The following ACCSL variants were observed in gnomAD, a reference collection of about 807,000 sequenced individuals.
ACCSL encodes 1-aminocyclopropane-1-carboxylate synthase homolog (inactive) like.
Under a neutral mutation model 61.7 loss-of-function variants are expected in ACCSL, and 55 were observed. The ratio of observed to expected loss-of-function variants is 0.89; its 90% CI spans 0.72 to 1.12. ACCSL has a LOEUF of 1.12. Among genes scored for constraint, ACCSL ranks in the 50% most tolerant of loss-of-function variants. The probability of loss-of-function intolerance (pLI) is 0.00; values close to 1 mark genes in which losing one functional copy is unlikely to be tolerated. For synonymous variants in ACCSL, 258 were observed against 264.3 expected, an observed-to-expected ratio of 0.98 and a Z score of 0.23; for missense variants, 632 against 698.0, an observed-to-expected ratio of 0.91 and a Z score of 1.07.
chr11:44,046,976 C>T (rs1952602082), upstream of ACCSL, among the ~76,000 whole-genome samples: 1 of 151,960 alleles, frequency 6.6e-6, no homozygotes, highest in Non-Finnish European at 1.5e-5. Flanking sequence ...ATAATCATGC[C>T]ACTGCAATTC....
upstream of ACCSL, among the ~76,000 whole-genome samples, chr11:44,044,697 A>C (rs994640926): frequency 1.3e-5 from 2 of 152,186 alleles, no homozygotes; most frequent in African/African-American, 4.8e-5. Context: ...TGATATTAGA[A>C]GTATCCTTCT....
chr11:43,994,847 C>T, the ACCSL span, among the ~76,000 whole-genome samples: 1 of 152,006 alleles, frequency 6.6e-6, no homozygotes, highest in Non-Finnish European at 1.5e-5. Context: ...GTTGCCCAGG[C>T]TGGTCTTAAA....
chr11:44,058,422 G>C lies in ACCSL; in HGVS notation c.1433G>C (p.Arg478Pro), dbSNP rs755691880. 6.2e-7 allele frequency: 1 copy of C among 1,614,016 alleles called. No individual in the cohort carries two copies. Among genetic ancestry groups the C allele is most frequent in the African/African-American group, 1.3e-5 (1 of 74,896 alleles). Residue 478 changes from arginine (R) to proline (P), a missense_variant, in exon 12 of 14, where the codon CGC (arginine) becomes CCC (proline). By Grantham distance (103) the Arg-to-Pro change is moderately radical. Coordinates refer to ENST00000378832, the MANE Select transcript of ACCSL (RefSeq NM_001031854.2). The part of the protein sequence containing the change: ...LKALEIPFHN[R>P]SSGLYVWINL... ...GCATTGGAGATCCCTTTTCACAACC[G>C]CAGCTCTGGCCTCTATGTCTGGATC... is the stretch of plus-strand genomic sequence containing the variant.
chr11:43,948,445 C>T, the ACCSL span, among the ~76,000 whole-genome samples: 1 of 152,120 alleles, frequency 6.6e-6, no homozygotes, highest in Non-Finnish European at 1.5e-5. Context: ...CACAGATAGT[C>T]AGGGGTGAGC....
chr11:43,985,204 C>T, the ACCSL span, among the ~76,000 whole-genome samples: 1 of 152,200 alleles, frequency 6.6e-6, no homozygotes, highest in African/African-American at 2.4e-5. Flanking sequence ...CCGCCCCCCT[C>T]CCAGTGTGGT....
the ACCSL span, among the ~76,000 whole-genome samples, chr11:43,968,588 A>G: frequency 2.6e-5 from 4 of 152,212 alleles, no homozygotes; most frequent in African/African-American, 9.6e-5. Context: ...GAGGGATACT[A>G]TCATCTAAAA....
At chr11:43,992,054 C>CTTTTTTTTTTTT in the ACCSL span, among the ~76,000 whole-genome samples, 1 of 114,146 alleles carries the variant, frequency 8.8e-6, no homozygotes, top group Non-Finnish European at 1.7e-5. Context: ...TTCTTTCTTT[C>CTTTTTTTTTTTT]TTTTTTTTTT....
chr11:43,931,342 G>C, the ACCSL span, among the ~76,000 whole-genome samples: 2 of 152,176 alleles, frequency 1.3e-5, no homozygotes, highest in Non-Finnish European at 2.9e-5. Context: ...AGACTCTACT[G>C]CATCAGTCTA....
chr11:43,942,287 C>T, the ACCSL span: 1 of 166,960 alleles, frequency 6.0e-6, no homozygotes. Flanking sequence ...GGGGGACCTG[C>T]GGCCCCGCGG....
the ACCSL span, chr11:43,943,612 G>A: frequency 7.6e-7 from 1 of 1,307,282 alleles, no homozygotes; most frequent in Non-Finnish European, 1.0e-6. This position sits in a 1 kb window ranked among gnomAD's most constrained non-coding sequence, Gnocchi z 4.8. Flanking sequence ...TTGTCCGATG[G>A]TTTGCAACTC....
At chr11:43,957,193 A>T in the ACCSL span, among the ~76,000 whole-genome samples, 1 of 152,200 alleles carries the variant, frequency 6.6e-6, no homozygotes, top group South Asian at 2.1e-4. Context: ...TGGTTGGGTT[A>T]CAGCTTGGCT....
chr11:43,926,280 T>C, the ACCSL span, among the ~76,000 whole-genome samples: 2 of 152,154 alleles, frequency 1.3e-5, no homozygotes, highest in Non-Finnish European at 2.9e-5. Context: ...CCCCAGGTAA[T>C]TGGTTTCCTA....
chr11:43,954,447 A>G, the ACCSL span, among the ~76,000 whole-genome samples: 2 of 152,276 alleles, frequency 1.3e-5, no homozygotes, highest in African/African-American at 2.4e-5. Flanking sequence ...TCTGATTTAT[A>G]TAAGGCACAA....
the ACCSL span, among the ~76,000 whole-genome samples, chr11:44,012,807 G>T: frequency 6.6e-6 from 1 of 152,310 alleles, no homozygotes; most frequent in African/African-American, 2.4e-5. Context: ...CTAATACATT[G>T]TGGTCCCTCC....
chr11:44,037,580 A>T, the ACCSL span, among the ~76,000 whole-genome samples: 2 of 152,226 alleles, frequency 1.3e-5, no homozygotes, highest in East Asian at 3.8e-4. Context: ...TCCGTGTTAC[A>T]GCTGCTGTAG....
the ACCSL span, among the ~76,000 whole-genome samples, chr11:43,959,260 G>A: frequency 6.6e-6 from 1 of 152,252 alleles, no homozygotes; most frequent in African/African-American, 2.4e-5. Flanking sequence ...TTGCTCCCAT[G>A]TGCTTGTTCT....
the ACCSL span, among the ~76,000 whole-genome samples, chr11:43,990,105 A>C: frequency 6.6e-6 from 1 of 152,166 alleles, no homozygotes; most frequent in African/African-American, 2.4e-5. Context: ...ATCACTTACC[A>C]GATCTGTAAC....
At chr11:44,033,614 G>A in the ACCSL span, among the ~76,000 whole-genome samples, 1 of 152,178 alleles carries the variant, frequency 6.6e-6, no homozygotes, top group Non-Finnish European at 1.5e-5. Flanking sequence ...GATTTGAAAT[G>A]TGGGTGACAG....
chr11:43,942,035 C>T, the ACCSL span, among the ~76,000 whole-genome samples: 3,310 of 89,640 alleles, frequency 0.037, 67 homozygotes, highest in African/African-American at 0.068. Flanking sequence ...TGCATTCGTG[C>T]GTGTGTGTGT....
Sources: allele counts gnomAD v4.1 joint callset (sites outside exome capture counted in the v4.1 genomes callset), GRCh38; gene constraint gnomAD v4.1.1; non-coding constraint Gnocchi (gnomAD v3.1); transcripts MANE v1.5; gene names NCBI Gene and HGNC (gene_info 2026-07-23, HGNC 2026-07-21).